The following RAPGEF5 variants were observed in gnomAD, a reference collection of about 807,000 sequenced individuals.
RAPGEF5 encodes M-Ras-regulated GEF.
A neutral mutation model predicts 125.2 loss-of-function variants in RAPGEF5; 65 were observed. The observed-to-expected ratio is 0.52, with a 90% confidence interval of 0.43 to 0.64. RAPGEF5 has a LOEUF of 0.64. Ranked by LOEUF, RAPGEF5 falls within the 30% of genes least tolerant of loss-of-function variation. RAPGEF5 has a pLI of 0.00. For missense variants in RAPGEF5, 958 were observed against 1,048.1 expected (o/e 0.91, Z 1.19); for synonymous variants, 391 against 385.9 (o/e 1.01, Z -0.16).
intron 11 of RAPGEF5, among the ~76,000 whole-genome samples, chr7:22,172,276 C>T (rs971858634): frequency 2.0e-5 from 3 of 151,980 alleles, no homozygotes; most frequent in African/African-American, 7.3e-5. Flanking sequence ...GCACACACCA[C>T]CATGCCCGGC....
At chr7:22,323,296 T>C (rs1783752572) in intron 1 of RAPGEF5, among the ~76,000 whole-genome samples, 1 of 152,178 alleles carries the variant, frequency 6.6e-6, no homozygotes, top group African/African-American at 2.4e-5. Context: ...AAAAGCTAAG[T>C]AGAAAATGAA....
At chr7:22,349,005 C>T (rs1784279137) in intron 1 of RAPGEF5, among the ~76,000 whole-genome samples, 1 of 151,176 alleles carries the variant, frequency 6.6e-6, no homozygotes, top group African/African-American at 2.4e-5. Context: ...GCACAAGAAT[C>T]GCTTGAACCC....
intron 3 of RAPGEF5, among the ~76,000 whole-genome samples, chr7:22,312,366 G>A (rs757854668): frequency 2.0e-4 from 31 of 152,182 alleles, no homozygotes; most frequent in Admixed American, 6.5e-4. Context: ...CTGCCACCAC[G>A]CCCAGCTAAT....
chr7:22,313,962 G>A (rs1406397301), intron 3 of RAPGEF5, among the ~76,000 whole-genome samples: 2 of 152,276 alleles, frequency 1.3e-5, no homozygotes, highest in African/African-American at 4.8e-5. Context: ...TCCCTAATGG[G>A]AGGAAAACAG....
intron 1 of RAPGEF5, among the ~76,000 whole-genome samples, chr7:22,327,906 G>T (rs958285017): frequency 2.6e-5 from 4 of 152,050 alleles, no homozygotes; most frequent in Non-Finnish European, 5.9e-5. Context: ...GTTCCCAAAG[G>T]ATCAACCACT....
intron 5 of RAPGEF5, among the ~76,000 whole-genome samples, chr7:22,296,825 C>G (rs1783072881): frequency 1.3e-5 from 2 of 152,112 alleles, no homozygotes; most frequent in Admixed American, 6.5e-5. Flanking sequence ...GCTAGTGAGA[C>G]AGAAGAGCCA....
At chr7:22,242,967 AAAG>A in intron 7 of RAPGEF5, among the ~76,000 whole-genome samples, 1 of 147,456 alleles carries the variant, frequency 6.8e-6, no homozygotes, top group African/African-American at 2.5e-5. Context: ...AAAAAAAAAG[AAAG>A]AAAGAAAGAA....
chr7:22,353,688 G>A (rs951669634), intron 1 of RAPGEF5, among the ~76,000 whole-genome samples: 4 of 152,296 alleles, frequency 2.6e-5, no homozygotes, highest in African/African-American at 7.2e-5. Context: ...ATTTTTAAGA[G>A]GTAGTTAGGG....
At chr7:22,211,806 T>G (rs1416923877) in intron 9 of RAPGEF5, among the ~76,000 whole-genome samples, 1 of 152,130 alleles carries the variant, frequency 6.6e-6, no homozygotes, top group Non-Finnish European at 1.5e-5. Flanking sequence ...AATGTTTGGA[T>G]AAACCCACAG....
At chr7:22,334,306 T>C (rs1240094169) in intron 1 of RAPGEF5, among the ~76,000 whole-genome samples, 5 of 152,100 alleles carry the variant, frequency 3.3e-5, no homozygotes, top group African/African-American at 7.2e-5. Flanking sequence ...GAAAACATAG[T>C]ATTAATAACA....
Position 22,354,760 on chromosome 7 carries a change from A to G in RAPGEF5, c.231+2070T>C, listed in dbSNP as rs141162808. ...AAGGCCATGAGAGGATATACGAGAA[A>G]GTGGTCATCTGCAGGCCAGGAAGAG... On this transcript the variant is annotated intron_variant, in intron 1 of 25. Coordinates refer to ENST00000665637, the MANE Select transcript of RAPGEF5 (RefSeq NM_012294.5). 5.3e-5 allele frequency among the ~76,000 whole-genome samples: 8 copies of G among 152,292 alleles called. No homozygotes were observed. The East Asian group carries it at 1.5e-3, about 29-fold the overall frequency.
intron 7 of RAPGEF5, among the ~76,000 whole-genome samples, chr7:22,243,519 G>T (rs564010476): frequency 2.2e-4 from 34 of 152,266 alleles, no homozygotes; most frequent in African/African-American, 8.2e-4. Flanking sequence ...GCCTCCCAAA[G>T]TGCTAGGATT....
At chr7:22,280,381 T>C (rs1366041033) in intron 6 of RAPGEF5, among the ~76,000 whole-genome samples, 1 of 152,042 alleles carries the variant, frequency 6.6e-6, no homozygotes, top group African/African-American at 2.4e-5. Context: ...AAAAATATGA[T>C]GGGAAATGTC....
intron 1 of RAPGEF5, among the ~76,000 whole-genome samples, chr7:22,338,952 C>A (rs748299896): frequency 6.6e-6 from 1 of 152,124 alleles, no homozygotes; most frequent in Non-Finnish European, 1.5e-5. Context: ...CAGGGAAAGG[C>A]GGCCTCCCAA....
intron 9 of RAPGEF5, among the ~76,000 whole-genome samples, chr7:22,209,896 G>A (rs984707207): frequency 6.6e-6 from 1 of 152,148 alleles, no homozygotes; most frequent in African/African-American, 2.4e-5. Flanking sequence ...AATTGCTTCT[G>A]ATTACAGAGG....
intron 7 of RAPGEF5, among the ~76,000 whole-genome samples, chr7:22,233,875 T>C (rs1786121606): frequency 6.6e-6 from 1 of 152,178 alleles, no homozygotes; most frequent in Non-Finnish European, 1.5e-5. Context: ...TCAAAATCGG[T>C]TGCCTAGCAT....
At chr7:22,154,765 A>G (rs965155735) in intron 16 of RAPGEF5, among the ~76,000 whole-genome samples, 161 bp from the exon 17 acceptor site, 2 of 152,200 alleles carry the variant, frequency 1.3e-5, no homozygotes, top group African/African-American at 2.4e-5. Context: ...TATGTACATG[A>G]GCACCTGAGG....
intron 11 of RAPGEF5, among the ~76,000 whole-genome samples, chr7:22,169,809 A>C (rs547148230): frequency 4.2e-4 from 55 of 130,472 alleles, no homozygotes; most frequent in Non-Finnish European, 4.9e-4. Flanking sequence ...GCAGTGAGCC[A>C]AGATCATGTC....
At chr7:22,273,032 T>C (rs1246411884) in intron 6 of RAPGEF5, among the ~76,000 whole-genome samples, 2 of 151,738 alleles carry the variant, frequency 1.3e-5, no homozygotes, top group African/African-American at 2.4e-5. Flanking sequence ...AGTGCTGGGA[T>C]TGCAGGCGTG....
Sources: gnomAD v4.1 joint callset for allele counts (sites outside exome capture counted in the v4.1 genomes callset) on GRCh38, gnomAD v4.1.1 for gene constraint, MANE v1.5 for transcripts, NCBI Gene and HGNC (gene_info 2026-07-23, HGNC 2026-07-21) for gene names.